Variants in TENM4 observed in about 807,000 individuals in gnomAD.
TENM4 encodes teneurin-4.
In TENM4, 82 loss-of-function variants were observed where a neutral mutation model predicts 243.3. That is an observed-to-expected ratio of 0.34 (90% CI 0.28 to 0.40). The LOEUF is 0.40. Ranked by LOEUF, TENM4 falls within the 10% of genes least tolerant of loss-of-function variation. The pLI is 1.00. For synonymous variants in TENM4, 1,412 were observed against 1,456.3 expected (o/e 0.97, Z 0.69); for missense variants, 3,138 against 3,673.3 (o/e 0.85, Z 3.77).
chr11:78,812,155 T>A lies in TENM4; in HGVS notation c.1945A>T (p.Asn649Tyr). The A allele has an allele frequency of 1.9e-6, 3 of 1,551,696 alleles. No homozygotes were observed. The highest frequency in any genetic ancestry group is 2.6e-6 in the Non-Finnish European group (3 of 1,147,032). Residue 649 changes from asparagine (N) to tyrosine (Y), a missense_variant, in exon 14 of 34, where the codon AAC (asparagine) becomes TAC (tyrosine). Physicochemically the swap from Asn to Tyr is moderately radical, Grantham distance 143. Transcript: ENST00000278550. Reference protein sequence around the residue: ...GTCITGTCICNPGYKGESCEE... With the variant: ...GTCITGTCICYPGYKGESCEE... ...CAGCTCTCGCCCTTGTAGCCAGGGTTGCAGATGCAGGTGCCCGTGATGCAG... is the reference window on the plus strand; with the variant it reads ...CAGCTCTCGCCCTTGTAGCCAGGGTAGCAGATGCAGGTGCCCGTGATGCAG...
At chr11:79,381,666 T>G (rs1229796385) in intron 1 of TENM4, among the ~76,000 whole-genome samples, 1 of 151,334 alleles carries the variant, frequency 6.6e-6, no homozygotes, top group Non-Finnish European at 1.5e-5. Flanking sequence ...AGGAGTACTG[T>G]GATATCCGAC....
chr11:79,246,356 C>A (rs1565266812), intron 2 of TENM4, among the ~76,000 whole-genome samples: 1 of 152,076 alleles, frequency 6.6e-6, no homozygotes, highest in Admixed American at 6.6e-5. Flanking sequence ...GACAAGTCAG[C>A]AAACTTTGGA....
chr11:79,026,747 GTGGTC>G (rs1242957784), intron 6 of TENM4, among the ~76,000 whole-genome samples: 3 of 152,200 alleles, frequency 2.0e-5, no homozygotes, highest in Non-Finnish European at 4.4e-5. Flanking sequence ...GAAGTACTGG[GTGGTC>G]TGATCCCCAA....
intron 4 of TENM4, among the ~76,000 whole-genome samples, chr11:79,108,749 T>C (rs1480101630): frequency 6.6e-6 from 1 of 152,160 alleles, no homozygotes; most frequent in Non-Finnish European, 1.5e-5. Context: ...TCCTCCTCCC[T>C]CCATGGCTCA....
rs568607961 is a variant in TENM4, at chr11:79,406,929, A to T, written c.-321+33580T>A. Reference sequence around the variant, plus strand: ...TCTGTATCAAAAGGAAAGCAAAAAAATTTGATCATCAAGTAATTATTGACA... The same window carrying T: ...TCTGTATCAAAAGGAAAGCAAAAAATTTTGATCATCAAGTAATTATTGACA... On this transcript the variant is annotated intron_variant, in intron 1 of 33. Coordinates refer to ENST00000278550, the MANE Select transcript of TENM4 (RefSeq NM_001098816.3). 1.4e-4 allele frequency among the ~76,000 whole-genome samples: 22 copies of T among 152,332 alleles called. No homozygotes were observed. In the East Asian group the frequency reaches 4.0e-3, roughly 28 times the overall value.
intron 18 of TENM4, among the ~76,000 whole-genome samples, chr11:78,758,158 T>C (rs888455045): frequency 6.6e-6 from 1 of 152,216 alleles, no homozygotes; most frequent in African/African-American, 2.4e-5. Context: ...ACGACATGTA[T>C]TCCTGCCTGG....
At chr11:79,355,343 G>A (rs903868233) in intron 1 of TENM4, among the ~76,000 whole-genome samples, 2 of 152,256 alleles carry the variant, frequency 1.3e-5, no homozygotes, top group East Asian at 1.9e-4. Flanking sequence ...GACCAGCCTG[G>A]CCAACATGGT....
intron 9 of TENM4, among the ~76,000 whole-genome samples, chr11:78,872,688 T>C (rs1270045982): frequency 6.6e-6 from 1 of 152,234 alleles, no homozygotes; most frequent in Non-Finnish European, 1.5e-5. Context: ...GTGTGTTTAG[T>C]TGGTGCTTGG....
At chr11:78,929,618 G>A (rs1431106067) in intron 6 of TENM4, among the ~76,000 whole-genome samples, 3 of 152,088 alleles carry the variant, frequency 2.0e-5, no homozygotes, top group Non-Finnish European at 2.9e-5. Flanking sequence ...TAAGGATCAG[G>A]GCCCCCGGGG....
At chr11:78,671,926 G>A in intron 31 of TENM4, 107 bp downstream of exon 31, 1 of 1,369,276 alleles carries the variant, frequency 7.3e-7, no homozygotes, top group South Asian at 1.5e-5. Context: ...TTTCCTTTTG[G>A]TGACATGGGT....
At chr11:78,874,166 A>T (rs1349703569) in intron 9 of TENM4, among the ~76,000 whole-genome samples, 2 of 152,096 alleles carry the variant, frequency 1.3e-5, no homozygotes, top group East Asian at 3.9e-4. Context: ...GAGAGACAGT[A>T]AGGCTCCCAG....
At chr11:79,414,617 C>T (rs7121592) in intron 1 of TENM4, among the ~76,000 whole-genome samples, 70,700 of 152,010 alleles carry the variant, frequency 0.47, 16,609 homozygotes, top group East Asian at 0.52. Flanking sequence ...AGTTGCTGGC[C>T]ACTGGAAACA....
At chr11:79,235,900 T>A (rs529438167) in intron 2 of TENM4, among the ~76,000 whole-genome samples, 2 of 152,242 alleles carry the variant, frequency 1.3e-5, no homozygotes, top group African/African-American at 4.8e-5. Context: ...TTGTTTTGCT[T>A]GTTTAGATGG....
At chr11:78,986,828 C>CCT (rs1222740035) in intron 6 of TENM4, among the ~76,000 whole-genome samples, 2 of 152,056 alleles carry the variant, frequency 1.3e-5, no homozygotes, top group African/African-American at 4.8e-5. Context: ...TCCACCTTGG[C>CCT]CTCCCAAAGT....
chr11:79,393,438 A>G (rs924320940), intron 1 of TENM4, among the ~76,000 whole-genome samples: 1 of 152,236 alleles, frequency 6.6e-6, no homozygotes, highest in Non-Finnish European at 1.5e-5. Context: ...AAATGGGACA[A>G]CAGCAAAGCC....
intron 6 of TENM4, among the ~76,000 whole-genome samples, chr11:79,048,134 C>CA (rs1325968101): frequency 1.3e-5 from 2 of 152,152 alleles, no homozygotes; most frequent in Non-Finnish European, 2.9e-5. Context: ...GCCTGGCACT[C>CA]ACAGTGAGGT....
At chr11:79,112,644 C>T (rs758046085) in intron 4 of TENM4, among the ~76,000 whole-genome samples, 1 of 152,118 alleles carries the variant, frequency 6.6e-6, no homozygotes, top group Non-Finnish European at 1.5e-5. Context: ...CTTCCCAAGT[C>T]CTTTACAGCA....
rs117940180 is a variant in TENM4, at chr11:78,912,058, A to G, written c.494-8535T>C. Among the ~76,000 whole-genome samples, 57 of 152,288 alleles carry G rather than the reference A, an allele frequency of 3.7e-4. No homozygotes were observed. In the East Asian group the frequency reaches 8.7e-3, roughly 23 times the overall value. The stretch of plus-strand genomic sequence containing the variant: ...GCAGACAAAAGGGGAGCAAGAGGGC[A>G]TTCTAGGTAGGGGCCTGGCATGAGT... On this transcript the variant is annotated intron_variant, in intron 6 of 33. Transcript: ENST00000278550.
In TENM4 at chr11:78,805,463, G is replaced by C; in HGVS notation, c.2008C>G (p.Arg670Gly). 1.3e-6 allele frequency: 2 copies of C among 1,589,356 alleles called. No homozygotes were observed. Among genetic ancestry groups the C allele is most frequent in the Non-Finnish European group, 1.7e-6 (2 of 1,167,494 alleles). ...CATTCGCCTCTCACGCAGACACCCC[G>C]GCCTGAACATGTGGGGTCCATGCAG... ...VDCMDPTCSG[R>G]GVCVRGECHC... Residue 670 changes from arginine (R) to glycine (G), a missense_variant, in exon 15 of 34, where the codon CGG (arginine) becomes GGG (glycine). By Grantham distance (125) the Arg-to-Gly change is moderately radical. This residue lies in a region of TENM4 where 2,467 missense variants were observed against 3,059.1 expected (regional missense o/e 0.81). Transcript: ENST00000278550.
Sources: allele counts gnomAD v4.1 joint callset (sites outside exome capture counted in the v4.1 genomes callset), GRCh38; gene constraint gnomAD v4.1.1; regional missense constraint gnomAD v4.1.1; transcripts MANE v1.5; gene names NCBI Gene and HGNC (gene_info 2026-07-23, HGNC 2026-07-21).